The following HOXD1 variants were observed in gnomAD, a reference collection of about 807,000 sequenced individuals.
HOXD1 encodes the protein homeobox D1.
A neutral mutation model predicts 19.9 loss-of-function variants in HOXD1; 17 were observed. That is an observed-to-expected ratio of 0.85 (90% CI 0.58 to 1.28). HOXD1 has a LOEUF of 1.28. Ranked by LOEUF, HOXD1 falls within the 50% of genes most tolerant of loss-of-function variation. The pLI, the probability that HOXD1 is intolerant of heterozygous loss-of-function variation, is 0.00. For missense variants in HOXD1, 500 were observed against 460.1 expected, an observed-to-expected ratio of 1.09 and a Z score of -0.79; for synonymous variants, 239 against 216.0, an observed-to-expected ratio of 1.11 and a Z score of -0.93.
Position 176,189,381 on chromosome 2 carries a change from C to T in HOXD1, c.580C>T (p.Pro194Ser). 1 of 1,612,644 alleles carries T rather than the reference C, an allele frequency of 6.2e-7. No homozygotes were observed. The highest frequency in any genetic ancestry group is 1.7e-5 in the Admixed American group (1 of 59,986). Residue 194 changes from proline to serine, a missense_variant, in exon 1 of 2, where the codon CCC becomes TCC. By Grantham distance (74) the Pro-to-Ser change is moderately conservative. Transcript: ENST00000331462. ...AGGCACCTACCCCAAGTCCGTCTCT[C>T]CCGCCTCCGGCCTCCCTGCCGCCTT... is the stretch of plus-strand genomic sequence containing the variant. ...APGTYPKSVS[P>S]ASGLPAAFST...
At position 176,189,003 on chromosome 2, in the gene HOXD1, GC is replaced by G. The variant is rs1691729449; in HGVS notation, c.207del (p.Ala70ArgfsTer139). On this transcript the variant is annotated frameshift_variant, in exon 1 of 2. Coordinates refer to ENST00000331462, the MANE Select transcript of HOXD1 (RefSeq NM_024501.3). LOFTEE classifies it high-confidence loss of function. ...AARPSPSPPA[A>X]PARPSVPPPA... is the part of the protein sequence containing the mutation. ...CCGACCCTCGCCTTCGCCCCCGGCC[GC>G]CCCCGCGCGGCCGTCCGTACCGCCT... 7 of 1,420,910 alleles carry G rather than the reference GC, an allele frequency of 4.9e-6. No individual in the cohort carries two copies. The highest frequency in any genetic ancestry group is 1.6e-5 in the South Asian group (1 of 64,238). 88.0% of individuals were successfully genotyped at this position (1,420,910 alleles called of 1,614,324 possible).
intron 1 of HOXD1, 174 bp from the exon 2 acceptor site, chr2:176,189,634 A>G (rs767859186): frequency 8.9e-6 from 14 of 1,565,518 alleles, no homozygotes; most frequent in African/African-American, 1.4e-5. Context: ...AAAATGTGCC[A>G]GGCATTGAGA....
rs770025700 is a variant in HOXD1 at position 176,188,943 on chromosome 2, G to A, written c.142G>A (p.Gly48Ser). The A allele has an allele frequency of 4.5e-6, 7 of 1,552,404 alleles. No homozygotes were observed. Among genetic ancestry groups the A allele is most frequent in the South Asian group, 1.2e-5 (1 of 85,198 alleles). Residue 48 changes from glycine (G) to serine (S), a missense_variant, in exon 1 of 2, where the codon GGC becomes AGC. Coordinates refer to ENST00000331462, the MANE Select transcript of HOXD1 (RefSeq NM_024501.3). ...CGCCTTCCCTCTGGGCAACGGCGACGGCGCCTTCGTCAGCTGTCTGCCCCT... is the reference window on the plus strand; with the variant it reads ...CGCCTTCCCTCTGGGCAACGGCGACAGCGCCTTCGTCAGCTGTCTGCCCCT... ...QPAFPLGNGD[G>S]AFVSCLPLAA...
Position 176,188,960 on chromosome 2 carries a change from T to C in HOXD1, c.159T>C (p.Cys53=), listed in dbSNP as rs1436213932. 2 of 1,518,006 alleles carry C rather than the reference T, an allele frequency of 1.3e-6. No homozygotes were observed. Among genetic ancestry groups the C allele is most frequent in the Non-Finnish European group, 1.8e-6 (2 of 1,140,800 alleles). The allele number at this position is 1,518,006 out of a possible 1,614,324, so 94.0% of individuals were successfully genotyped here. The change falls in exon 1 of 2, where the codon TGT becomes TGC. Residue 53 remains cysteine, a synonymous_variant. Transcript: ENST00000331462. ...LGNGDGAFVS[C]LPLAAARPSP... is the part of the protein sequence containing the mutation. ...ACGGCGACGGCGCCTTCGTCAGCTG[T>C]CTGCCCCTGGCCGCCGCCCGACCCT...
rs770805974 is a variant in HOXD1 at position 176,188,691 on chromosome 2, C to T, written c.-111C>T. The T allele has an allele frequency of 1.4e-5, 16 of 1,140,748 alleles. No individual in the cohort carries two copies. Among genetic ancestry groups the T allele is most frequent in the Non-Finnish European group, 1.9e-5 (15 of 782,126 alleles). The allele number at this position is 1,140,748 out of a possible 1,614,324, so 70.7% of individuals were successfully genotyped here. On this transcript the variant is annotated 5_prime_UTR_variant, in exon 1 of 2. Transcript: ENST00000331462. ...TCGCCATGGGTTGGAGAGGGCAGCT[C>T]GGGTAGAGAGGGCTGGCGGAGCGGC...
At position 176,188,853 on chromosome 2, in the gene HOXD1, G is replaced by A. The variant is rs932209519; in HGVS notation, c.52G>A (p.Gly18Ser). 9 of 1,604,806 alleles carry A rather than the reference G, an allele frequency of 5.6e-6. No individual in the cohort carries two copies. Among genetic ancestry groups the A allele is most frequent in the African/African-American group, 1.3e-5 (1 of 74,498 alleles). Reference sequence around the variant, plus strand: ...ATGCAGCAGCAGCGGCGGGGTCGGCGGCGACGTGCTCAGCTTGGCACCCAA... The same window carrying A: ...ATGCAGCAGCAGCGGCGGGGTCGGCAGCGACGTGCTCAGCTTGGCACCCAA... ...VSCSSSGGVGGDVLSLAPKFC... is the reference protein window; with the variant it reads ...VSCSSSGGVGSDVLSLAPKFC... Residue 18 changes from glycine to serine, a missense_variant, in exon 1 of 2, where the codon GGC becomes AGC. Physicochemically the swap from Gly to Ser is moderately conservative, Grantham distance 56. Transcript: ENST00000331462.
Position 176,189,432 on chromosome 2 carries a change from A to C in HOXD1, c.631A>C (p.Lys211Gln). 1 of 1,612,392 alleles carries C rather than the reference A, an allele frequency of 6.2e-7. No individual in the cohort carries two copies. Among genetic ancestry groups the C allele is most frequent in the Non-Finnish European group, 8.5e-7 (1 of 1,179,514 alleles). ...CAGCACGTTCGAGTGGATGAAAGTGAAGAGGAATGCCTCTAAGAAAGGTAA... is the reference window on the plus strand; with the variant it reads ...CAGCACGTTCGAGTGGATGAAAGTGCAGAGGAATGCCTCTAAGAAAGGTAA... ...AFSTFEWMKV[K>Q]RNASKKGKLA... The change falls in exon 1 of 2, where the codon AAG becomes CAG. Residue 211 changes from lysine to glutamine, a missense_variant. Physicochemically the swap from Lys to Gln is moderately conservative, Grantham distance 53. Coordinates refer to ENST00000331462, the MANE Select transcript of HOXD1 (RefSeq NM_024501.3).
Position 176,188,864 on chromosome 2 carries a change from C to T in HOXD1, c.63C>T (p.Leu21=), listed in dbSNP as rs993725245. 1.9e-6 allele frequency: 3 copies of T among 1,602,980 alleles called. No homozygotes were observed. The highest frequency in any genetic ancestry group is 2.7e-5 in the African/African-American group (2 of 74,312). The change falls in exon 1 of 2, where the codon CTC becomes CTT. Residue 21 remains leucine (L), a synonymous_variant. Coordinates refer to ENST00000331462, the MANE Select transcript of HOXD1 (RefSeq NM_024501.3). ...SSSGGVGGDV[L]SLAPKFCRSD... The stretch of plus-strand genomic sequence containing the variant: ...GCGGCGGGGTCGGCGGCGACGTGCT[C>T]AGCTTGGCACCCAAGTTCTGCCGCT...
At position 176,188,927 on chromosome 2, in the gene HOXD1, T is replaced by C. The variant is rs368837616; in HGVS notation, c.126T>C (p.Pro42=). ...CCGTGGCTCTGCAGCCCGCCTTCCCTCTGGGCAACGGCGACGGCGCCTTCG... is the reference window on the plus strand; with the variant it reads ...CCGTGGCTCTGCAGCCCGCCTTCCCCCTGGGCAACGGCGACGGCGCCTTCG... ...ARPVALQPAF[P]LGNGDGAFVS... Residue 42 remains proline (P), a synonymous_variant, in exon 1 of 2, where the codon CCT becomes CCC. Coordinates refer to ENST00000331462, the MANE Select transcript of HOXD1 (RefSeq NM_024501.3). 4.4e-6 allele frequency: 7 copies of C among 1,576,478 alleles called. No homozygotes were observed. In the South Asian group the frequency reaches 4.6e-5, roughly 10 times the overall value.
Position 176,190,191 on chromosome 2 carries a change from AC to A in HOXD1, c.*54del. The A allele has an allele frequency of 2.3e-6, 3 of 1,296,812 alleles. No individual in the cohort carries two copies. Among genetic ancestry groups the A allele is most frequent in the East Asian group, 2.3e-5 (1 of 43,084 alleles). The allele number at this position is 1,296,812 out of a possible 1,614,324, so 80.3% of individuals were successfully genotyped here. A position where few individuals can be genotyped will look rare whatever the true frequency, so the allele number is the denominator to read the frequency against. On this transcript the variant is annotated 3_prime_UTR_variant, in exon 2 of 2. Coordinates refer to ENST00000331462, the MANE Select transcript of HOXD1 (RefSeq NM_024501.3). ...CTGTGGCCTGCAGAAGTCCCAGGCG[AC>A]CCCCATCCCTATCTAGACTTAGGAG...
At position 176,189,215 on chromosome 2, in the gene HOXD1, C is replaced by T; in HGVS notation, c.414C>T (p.Ala138=). 1 of 1,587,012 alleles carries T rather than the reference C, an allele frequency of 6.3e-7. No homozygotes were observed. Among genetic ancestry groups the T allele is most frequent in the Non-Finnish European group, 8.6e-7 (1 of 1,168,232 alleles). ...GGSHVHYATS[A]VFSGGGSFLL... ...CTCACGTCCACTACGCCACCTCGGC[C>T]GTCTTCTCGGGCGGCGGCTCTTTCC... The change falls in exon 1 of 2, where the codon GCC becomes GCT. Residue 138 remains alanine, a synonymous_variant. Transcript: ENST00000331462.
intron 1 of HOXD1, 59 bp from the exon 2 acceptor site, chr2:176,189,749 C>T: frequency 6.2e-7 from 1 of 1,609,374 alleles, no homozygotes; most frequent in South Asian, 1.1e-5. Context: ...AGCTCCACTG[C>T]TCACCCACAT....
At position 176,189,183 on chromosome 2, in the gene HOXD1, G is replaced by C; in HGVS notation, c.382G>C (p.Gly128Arg). 1 of 1,568,812 alleles carries C rather than the reference G, an allele frequency of 6.4e-7. No individual in the cohort carries two copies. Among genetic ancestry groups the C allele is most frequent in the Non-Finnish European group, 8.6e-7 (1 of 1,162,202 alleles). ...CGTGCTGGGGCGGGCGGCCGACGAC[G>C]GCGGGTCTCACGTCCACTACGCCAC... The part of the protein sequence containing the change: ...PGVLGRAADD[G>R]GSHVHYATSA... Residue 128 changes from glycine to arginine, a missense_variant, in exon 1 of 2, where the codon GGC becomes CGC. Transcript: ENST00000331462.
Position 176,188,877 on chromosome 2 carries a change from A to C in HOXD1, c.76A>C (p.Lys26Gln). 6.2e-7 allele frequency: 1 copy of C among 1,600,120 alleles called. No individual in the cohort carries two copies. The highest frequency in any genetic ancestry group is 8.5e-7 in the Non-Finnish European group (1 of 1,176,288). The change falls in exon 1 of 2, where the codon AAG becomes CAG. Residue 26 changes from lysine (K) to glutamine (Q), a missense_variant. Coordinates refer to ENST00000331462, the MANE Select transcript of HOXD1 (RefSeq NM_024501.3). Reference protein sequence around the residue: ...VGGDVLSLAPKFCRSDARPVA... With the variant: ...VGGDVLSLAPQFCRSDARPVA... ...CGGCGACGTGCTCAGCTTGGCACCCAAGTTCTGCCGCTCCGACGCCCGGCC... is the reference window on the plus strand; with the variant it reads ...CGGCGACGTGCTCAGCTTGGCACCCCAGTTCTGCCGCTCCGACGCCCGGCC...
In HOXD1 at chr2:176,189,401, C is replaced by T. The variant is rs764503036; in HGVS notation, c.600C>T (p.Ala200=). Residue 200 remains alanine (A), a synonymous_variant, in exon 1 of 2, where the codon GCC becomes GCT. Coordinates refer to ENST00000331462, the MANE Select transcript of HOXD1 (RefSeq NM_024501.3). The stretch of plus-strand genomic sequence containing the variant: ...TCTCTCCCGCCTCCGGCCTCCCTGC[C>T]GCCTTCAGCACGTTCGAGTGGATGA... ...KSVSPASGLP[A]AFSTFEWMKV... 6.2e-7 allele frequency: 1 copy of T among 1,613,192 alleles called. No individual in the cohort carries two copies. Among genetic ancestry groups the T allele is most frequent in the East Asian group, 2.2e-5 (1 of 44,846 alleles).
In HOXD1 at chr2:176,190,362, G is replaced by A; in HGVS notation, c.*220G>A. On this transcript the variant is annotated 3_prime_UTR_variant, in exon 2 of 2. Transcript: ENST00000331462. ...TAAGCCACTTGTTTGGTTATGATTTGTGTCTTATCAGGGAAAAGGTGCCCA... is the reference window on the plus strand; with the variant it reads ...TAAGCCACTTGTTTGGTTATGATTTATGTCTTATCAGGGAAAAGGTGCCCA... 1.9e-6 allele frequency: 1 copy of A among 537,198 alleles called. No homozygotes were observed. The highest frequency in any genetic ancestry group is 3.3e-6 in the Non-Finnish European group (1 of 306,470). 33.3% of individuals were successfully genotyped at this position (537,198 alleles called of 1,614,324 possible).
At chr2:176,189,596 A>G (rs945106401) in intron 1 of HOXD1, 143 bp downstream of exon 1, 6 of 1,567,820 alleles carry the variant, frequency 3.8e-6, no homozygotes, top group African/African-American at 1.4e-5. Flanking sequence ...GGCGAATTCC[A>G]TGGAGTCTGC....
At chr2:176,189,698 T>C in intron 1 of HOXD1, 110 bp from the exon 2 acceptor site, 1 of 1,609,636 alleles carries the variant, frequency 6.2e-7, no homozygotes. Context: ...ATTCTGTTCC[T>C]AGGGACCCAG....
Position 176,188,769 on chromosome 2 carries a change from G to T in HOXD1, c.-33G>T. 1 of 1,598,770 alleles carries T rather than the reference G, an allele frequency of 6.3e-7. No homozygotes were observed. Among genetic ancestry groups the T allele is most frequent in the Non-Finnish European group, 8.5e-7 (1 of 1,173,552 alleles). Reference sequence around the variant, plus strand: ...CTGCCCGGCTCCGTACTCCGGCCCCGGCCTGCGCCCTCAGAAAGGTGGGGC... The same window carrying T: ...CTGCCCGGCTCCGTACTCCGGCCCCTGCCTGCGCCCTCAGAAAGGTGGGGC... On this transcript the variant is annotated 5_prime_UTR_variant, in exon 1 of 2. Coordinates refer to ENST00000331462, the MANE Select transcript of HOXD1 (RefSeq NM_024501.3).
Sources: allele counts gnomAD v4.1 joint callset, GRCh38; gene constraint gnomAD v4.1.1; transcripts MANE v1.5; gene names NCBI Gene and HGNC (gene_info 2026-07-23, HGNC 2026-07-21).